NTRK1: variants seen among roughly 807,000 people sequenced by gnomAD.
The protein encoded by NTRK1 is neurotrophic receptor tyrosine kinase 1.
NTRK1 carries 62 observed loss-of-function variants against 86.8 expected under a neutral mutation model. The ratio of observed to expected loss-of-function variants is 0.71; its 90% confidence interval spans 0.58 to 0.88. The LOEUF is 0.88. Among genes scored for constraint, NTRK1 ranks in the 40% least tolerant of loss-of-function variants. The probability of loss-of-function intolerance (pLI) is 0.00; values close to 1 mark genes in which losing one functional copy is unlikely to be tolerated. For missense variants in NTRK1, 967 were observed against 1,078.4 expected (o/e 0.90, Z 1.45); for synonymous variants, 469 against 456.6 (o/e 1.03, Z -0.35).
intron 1 of NTRK1, chr1:156,815,992 A>C (rs1653879392): frequency 6.2e-7 from 1 of 1,612,934 alleles, no homozygotes; most frequent in African/African-American, 1.3e-5. Flanking sequence ...CTGCCGCCCC[A>C]GGTTTCCACT....
chr1:156,880,238 C>A (rs1184475308), intron 16 of NTRK1, 81 bp downstream of exon 16: 7 of 1,480,338 alleles, frequency 4.7e-6, no homozygotes, highest in Non-Finnish European at 4.7e-6. Flanking sequence ...GAACTCGGTT[C>A]CCCTTCTGCC....
At chr1:156,846,890 C>G (rs911019529) in intron 2 of NTRK1, 5 of 712,926 alleles carry the variant, frequency 7.0e-6, no homozygotes, top group Middle Eastern at 3.8e-4. Context: ...CTCCAGCCAC[C>G]TGTTAGACCT....
intron 2 of NTRK1, 89 bp downstream of exon 2, chr1:156,864,517 T>C: frequency 1.4e-6 from 2 of 1,385,998 alleles, no homozygotes; most frequent in Non-Finnish European, 2.0e-6. Flanking sequence ...TCCGAGGGCC[T>C]GGGAGGACCT....
chr1:156,860,771 G>A, upstream of NTRK1: 1 of 1,271,916 alleles, frequency 7.9e-7, no homozygotes, highest in Non-Finnish European at 1.0e-6. Flanking sequence ...GGAAGCGGGT[G>A]GAGAAGAGGG....
At chr1:156,844,395 C>T (rs1345048064) in intron 2 of NTRK1, 1 of 1,575,504 alleles carries the variant, frequency 6.3e-7, no homozygotes, top group African/African-American at 1.3e-5. Flanking sequence ...GGGGAGGGGC[C>T]TGTGGTGGGC....
intron 1 of NTRK1, among the ~76,000 whole-genome samples, chr1:156,831,330 G>C (rs995336540): frequency 1.3e-5 from 2 of 152,204 alleles, no homozygotes; most frequent in Non-Finnish European, 2.9e-5. Flanking sequence ...TCTCGCTCCT[G>C]CTGTGTGTAC....
chr1:156,859,165 C>G (rs1173500973), upstream of NTRK1: 1 of 154,676 alleles, frequency 6.5e-6, no homozygotes, highest in East Asian at 1.9e-4. This position sits in a 1 kb window ranked among gnomAD's most constrained non-coding sequence, Gnocchi z 6.2. Flanking sequence ...TCCCCGCCCC[C>G]CGCCTAAACA....
At chr1:156,849,504 A>AGGGGGGGGGGGGGGGGGGG in intron 2 of NTRK1, 1 of 243,716 alleles carries the variant, frequency 4.1e-6, no homozygotes. Flanking sequence ...AGGTGGGGGC[A>AGGGGGGGGGGGGGGGGGGG]GGGGGTGGGA....
intron 12 of NTRK1, 119 bp from the exon 13 acceptor site, chr1:156,875,961 C>T: frequency 1.3e-6 from 2 of 1,483,324 alleles, no homozygotes; most frequent in Non-Finnish European, 9.4e-7. Flanking sequence ...ATTTTAGCCC[C>T]CATGCAGTCC....
At chr1:156,878,201 C>T (rs968708686) in intron 14 of NTRK1, among the ~76,000 whole-genome samples, 1 of 152,188 alleles carries the variant, frequency 6.6e-6, no homozygotes, top group Non-Finnish European at 1.5e-5. Context: ...TTCCAGTTCC[C>T]TCTGCCTGGG....
At chr1:156,842,367 T>G in intron 2 of NTRK1, 10 of 1,613,164 alleles carry the variant, frequency 6.2e-6, no homozygotes, top group Non-Finnish European at 8.5e-6. Context: ...CCAACCCTTC[T>G]TTCACTCCCC....
At position 156,849,273 on chromosome 1, in the gene NTRK1, G is replaced by A. The variant is rs1655121034; in HGVS notation, c.50+7080G>A. On this transcript the variant is annotated intron_variant, in intron 2 of 16. Coordinates refer to the NTRK1 transcript ENST00000392302. The stretch of plus-strand genomic sequence containing the variant: ...GCGGCGCGGTCTCCGTTGGTGCGGG[G>A]GTTGATCTCAGCCTTGTTCTGCCGA... 2.5e-6 allele frequency: 4 copies of A among 1,613,962 alleles called. No homozygotes were observed. Among genetic ancestry groups the A allele is most frequent in the Non-Finnish European group, 3.4e-6 (4 of 1,180,018 alleles).
intron 2 of NTRK1, chr1:156,844,329 G>T (rs776208945): frequency 6.4e-7 from 1 of 1,570,884 alleles, no homozygotes; most frequent in South Asian, 1.1e-5. Context: ...GTAGAAGTCA[G>T]AGGGAAGGTC....
chr1:156,851,994 G>C, intron 2 of NTRK1: 1 of 1,612,076 alleles, frequency 6.2e-7, no homozygotes, highest in South Asian at 1.1e-5. Context: ...CTGGCACAGC[G>C]CTCAGCTGTG....
intron 6 of NTRK1, among the ~76,000 whole-genome samples, chr1:156,869,662 A>T (rs574957056): frequency 1.3e-5 from 2 of 152,210 alleles, no homozygotes; most frequent in African/African-American, 4.8e-5. Context: ...TGGCCTTCTG[A>T]TGTCCTGCCT....
chr1:156,881,585 C>T lies in NTRK1; in HGVS notation c.2334C>T (p.His778=), dbSNP rs370504033. The part of the protein sequence containing the change: ...PQQRHSIKDV[H]ARLQALAQAP... ...AACGCCACAGCATCAAGGATGTGCA[C>T]GCCCGGCTGCAAGCCCTGGCCCAGG... Residue 778 remains histidine (H), a synonymous_variant, in exon 17 of 17, where the codon CAC becomes CAT. Transcript: ENST00000524377. The T allele has an allele frequency of 1.2e-4, 187 of 1,611,364 alleles. No individual in the cohort carries two copies. The highest frequency in any genetic ancestry group is 1.5e-4 in the Non-Finnish European group (178 of 1,179,220).
chr1:156,856,111 A>G (rs1655398568), upstream of NTRK1, among the ~76,000 whole-genome samples: 1 of 152,064 alleles, frequency 6.6e-6, no homozygotes, highest in South Asian at 2.1e-4. Context: ...GCGTGGCCAT[A>G]TATTTATTTT....
At chr1:156,820,655 A>G (rs1654159955) in intron 1 of NTRK1, among the ~76,000 whole-genome samples, 3 of 152,214 alleles carry the variant, frequency 2.0e-5, no homozygotes, top group African/African-American at 7.2e-5. Flanking sequence ...GCCTATTTTT[A>G]TACCAGTACC....
intron 6 of NTRK1, among the ~76,000 whole-genome samples, chr1:156,869,071 C>A (rs951310712): frequency 2.1e-5 from 3 of 143,792 alleles, no homozygotes; most frequent in African/African-American, 7.6e-5. Flanking sequence ...TTCCTTCCTT[C>A]CTTCCTTCCT....
Sources: gnomAD v4.1 joint callset for allele counts (sites outside exome capture counted in the v4.1 genomes callset) on GRCh38, gnomAD v4.1.1 for gene constraint, Gnocchi (gnomAD v3.1) non-coding constraint, MANE v1.5 for transcripts, NCBI Gene and HGNC (gene_info 2026-07-23, HGNC 2026-07-21) for gene names.